Variants in PARN observed in about 807,000 individuals in gnomAD.
The protein encoded by PARN is poly(A)-specific ribonuclease PARN.
In PARN, 71 loss-of-function variants were observed where a neutral mutation model predicts 102.8. The observed-to-expected ratio is 0.69, with a 90% CI of 0.57 to 0.84. The LOEUF is 0.84. Ranked by LOEUF, PARN falls within the 40% of genes least tolerant of loss-of-function variation. The pLI is 0.00. For synonymous variants in PARN, 261 were observed against 252.9 expected, an observed-to-expected ratio of 1.03 and a Z score of -0.30; for missense variants, 782 against 760.9, an observed-to-expected ratio of 1.03 and a Z score of -0.33.
At position 14,482,649 on chromosome 16, in the gene PARN, G is replaced by A. The variant is rs1425083768; in HGVS notation, c.1659C>T (p.Tyr553=). The part of the protein sequence containing the change: ...CIPYTLQNHY[Y]RNNSFTAPST... ...CTGAGAGCTCTTACCTATTGTTGCG[G>A]TAATAGTGATTCTGCAGGGTGTAGG... Residue 553 remains tyrosine, a synonymous_variant, in exon 22 of 24, where the codon TAC becomes TAT. Coordinates refer to ENST00000437198, the MANE Select transcript of PARN (RefSeq NM_002582.4). 2 of 1,604,414 alleles carry A rather than the reference G, an allele frequency of 1.2e-6. No individual in the cohort carries two copies. The highest frequency in any genetic ancestry group is 1.7e-5 in the Admixed American group (1 of 57,880).
chr16:14,629,909 GGAGT>G (rs1432249409), intron 1 of PARN, among the ~76,000 whole-genome samples, 194 bp downstream of exon 1: 1 of 152,220 alleles, frequency 6.6e-6, no homozygotes, highest in Non-Finnish European at 1.5e-5. Context: ...CGGGGTTGGA[GGAGT>G]AAGTACAAGG....
intron 12 of PARN, among the ~76,000 whole-genome samples, chr16:14,594,434 C>T (rs1274389370): frequency 1.3e-5 from 2 of 152,100 alleles, no homozygotes; most frequent in Non-Finnish European, 2.9e-5. Flanking sequence ...ACATCAGGGG[C>T]CGGGCGTGGT....
At chr16:14,543,519 AAT>A (rs1966854068) in intron 21 of PARN, among the ~76,000 whole-genome samples, 1 of 152,206 alleles carries the variant, frequency 6.6e-6, no homozygotes, top group Non-Finnish European at 1.5e-5. Context: ...ACATATGCCC[AAT>A]TAAAGCCTAA....
chr16:14,592,614 C>T (rs141894913), intron 13 of PARN, among the ~76,000 whole-genome samples: 3 of 152,160 alleles, frequency 2.0e-5, no homozygotes, highest in Admixed American at 2.0e-4. Context: ...CTAAGGGAAG[C>T]AGCCTAGCAA....
intron 8 of PARN, among the ~76,000 whole-genome samples, chr16:14,608,822 A>C (rs1343334946): frequency 6.6e-6 from 1 of 152,222 alleles, no homozygotes; most frequent in Non-Finnish European, 1.5e-5. Context: ...ACTGAAAGTC[A>C]AGGTTGCACA....
At chr16:14,623,846 A>G (rs532274276) in intron 5 of PARN, among the ~76,000 whole-genome samples, 54 of 152,212 alleles carry the variant, frequency 3.5e-4, no homozygotes, top group Admixed American at 8.5e-4. Flanking sequence ...CAAAAAAAAA[A>G]AAAAGAAAAG....
intron 21 of PARN, among the ~76,000 whole-genome samples, chr16:14,534,833 A>ATTTT (rs553597929): frequency 5.6e-5 from 8 of 142,262 alleles, no homozygotes; most frequent in East Asian, 2.0e-4. Context: ...TCATTTCTAA[A>ATTTT]TTTTTTTTTT....
chr16:14,454,017 T>G lies in PARN; in HGVS notation c.1671-6936A>C, dbSNP rs1047104454. Reference sequence around the variant, plus strand: ...TACAGGAAACTGCCAAACTATTTATTGGCCATTTGTATATCTTTTTTGAAG... The same window carrying G: ...TACAGGAAACTGCCAAACTATTTATGGGCCATTTGTATATCTTTTTTGAAG... On this transcript the variant is annotated intron_variant, in intron 22 of 23. Transcript: ENST00000437198. 5.9e-5 allele frequency among the ~76,000 whole-genome samples: 9 copies of G among 152,352 alleles called. No homozygotes were observed. In the East Asian group the frequency reaches 1.7e-3, roughly 29 times the overall value.
chr16:14,440,440 G>GT (rs1960894660), intron 23 of PARN, among the ~76,000 whole-genome samples: 1 of 152,134 alleles, frequency 6.6e-6, no homozygotes, highest in Non-Finnish European at 1.5e-5. Context: ...GGAAAAGAGT[G>GT]TATCAATTTC....
intron 22 of PARN, among the ~76,000 whole-genome samples, chr16:14,464,748 T>G (rs1203305563): frequency 1.3e-5 from 2 of 151,798 alleles, no homozygotes; most frequent in Non-Finnish European, 2.9e-5. Flanking sequence ...AGAGGAAGAT[T>G]CTGTTTGGAA....
chr16:14,492,290 G>A (rs1279136635), intron 21 of PARN, among the ~76,000 whole-genome samples: 2 of 152,164 alleles, frequency 1.3e-5, no homozygotes, highest in Admixed American at 6.5e-5. Flanking sequence ...CCATGGCAGC[G>A]CCTGACCCAT....
At chr16:14,598,714 T>C (rs1970682280) in intron 12 of PARN, among the ~76,000 whole-genome samples, 1 of 152,200 alleles carries the variant, frequency 6.6e-6, no homozygotes, top group South Asian at 2.1e-4. Flanking sequence ...AACCCTCTTC[T>C]TTTACAAGGC....
At chr16:14,556,584 G>A (rs1260886741) in intron 18 of PARN, among the ~76,000 whole-genome samples, 2 of 152,210 alleles carry the variant, frequency 1.3e-5, no homozygotes, top group African/African-American at 4.8e-5. Flanking sequence ...CTGGCACTCA[G>A]TAGCTGCTCA....
Position 14,630,209 on chromosome 16 carries a change from G to GGCAGTAGC in PARN, c.-92_-85dup. On this transcript the variant is annotated 5_prime_UTR_variant, in exon 1 of 24. Transcript: ENST00000437198. ...ACTCGCCGAATTCCGCGGCGACTGC[G>GGCAGTAGC]GCAGTAGCTGAGGCAGCCGCAGCGG... 4 of 1,248,688 alleles carry GGCAGTAGC rather than the reference G, an allele frequency of 3.2e-6. 1 individual carries two copies. Among genetic ancestry groups the GGCAGTAGC allele is most frequent in the Middle Eastern group, 4.2e-4 (2 of 4,762 alleles). The allele number at this position is 1,248,688 out of a possible 1,614,324, so 77.4% of individuals were successfully genotyped here. A position where few individuals can be genotyped will look rare whatever the true frequency, so the allele number is the denominator to read the frequency against.
At chr16:14,436,794 A>C (rs762218319) in intron 23 of PARN, 22 bp from the exon 24 acceptor site, 1 of 1,556,286 alleles carries the variant, frequency 6.4e-7, no homozygotes, top group South Asian at 1.2e-5. Flanking sequence ...GAACAAAACA[A>C]TATGAACAGC....
At chr16:14,518,495 A>G (rs561299643) in intron 21 of PARN, among the ~76,000 whole-genome samples, 24 of 152,184 alleles carry the variant, frequency 1.6e-4, no homozygotes, top group Non-Finnish European at 2.2e-4. Flanking sequence ...CCATATTACT[A>G]CTGTCGTACT....
chr16:14,551,907 C>T (rs916517940), intron 21 of PARN, 114 bp downstream of exon 21: 19 of 630,322 alleles, frequency 3.0e-5, no homozygotes, highest in South Asian at 6.6e-5. Context: ...CAAAAACAAA[C>T]GAGGCAGCAA....
At chr16:14,626,773 C>T (rs950077422) in intron 5 of PARN, among the ~76,000 whole-genome samples, 5 of 151,822 alleles carry the variant, frequency 3.3e-5, no homozygotes, top group African/African-American at 1.2e-4. Flanking sequence ...TGACCACACT[C>T]GGCAAATTTT....
chr16:14,498,838 T>G lies in PARN; in HGVS notation c.1481-16011A>C, dbSNP rs890302862. Among the ~76,000 whole-genome samples, 3 of 152,218 alleles carry G rather than the reference T, an allele frequency of 2.0e-5. No homozygotes were observed. In the East Asian group the frequency reaches 5.8e-4, roughly 29 times the overall value. On this transcript the variant is annotated intron_variant, in intron 21 of 23. Coordinates refer to ENST00000437198, the MANE Select transcript of PARN (RefSeq NM_002582.4). ...AAGGGAAATGGATAAAGAATGAGGA[T>G]GTTATTTTTATTTTCCACATCAATT...
Sources: gnomAD v4.1 joint callset for allele counts (sites outside exome capture counted in the v4.1 genomes callset) on GRCh38, gnomAD v4.1.1 for gene constraint, MANE v1.5 for transcripts, NCBI Gene and HGNC (gene_info 2026-07-23, HGNC 2026-07-21) for gene names.